The following AP4S1 variants were observed in gnomAD, a reference collection of about 807,000 sequenced individuals.
AP4S1 encodes the protein AP-4 complex subunit sigma-1.
In AP4S1, 23 loss-of-function variants were observed where a neutral mutation model predicts 19.8. The ratio of observed to expected loss-of-function variants is 1.16; its 90% CI spans 0.84 to 1.65. The LOEUF is 1.65. Ranked by LOEUF, AP4S1 falls within the 40% of genes most tolerant of loss-of-function variation. The pLI, the probability that AP4S1 is intolerant of heterozygous loss-of-function variation, is 0.00. For synonymous variants in AP4S1, 46 were observed against 54.1 expected, an observed-to-expected ratio of 0.85 and a Z score of 0.66; for missense variants, 166 against 172.8, an observed-to-expected ratio of 0.96 and a Z score of 0.22.
intron 1 of AP4S1, among the ~76,000 whole-genome samples, chr14:31,050,159 T>C (rs1245816606): frequency 1.3e-5 from 2 of 152,130 alleles, no homozygotes; most frequent in Non-Finnish European, 2.9e-5. Context: ...TGACCTCAGG[T>C]GATCCACCTG....
Position 31,052,934 on chromosome 14 carries a change from A to ATTT in AP4S1, c.-71-13171_-71-13169dup, listed in dbSNP as rs1209280743. ...GAAAGGAAAGAAGTCAGTGTGCTAA[A>ATTT]TTTTTTTTTTTTTTTTTTTTTTTGA... On this transcript the variant is annotated intron_variant, in intron 1 of 5. Transcript: ENST00000542754. 3.0e-3 allele frequency among the ~76,000 whole-genome samples: 300 copies of ATTT among 101,152 alleles called. 10 individuals carry two copies. The highest frequency in any genetic ancestry group is 7.0e-3 in the African/African-American group (183 of 26,044). The allele number at this position is 101,152 out of a possible 152,430, so 66.4% of individuals were successfully genotyped here. A position where few individuals can be genotyped will look rare whatever the true frequency, so the allele number is the denominator to read the frequency against.
intron 1 of AP4S1, among the ~76,000 whole-genome samples, chr14:31,054,952 A>G (rs1485940134): frequency 6.7e-6 from 1 of 148,464 alleles, no homozygotes; most frequent in Non-Finnish European, 1.5e-5. Context: ...TGCAAATGGC[A>G]CTTTACCTCT....
intron 1 of AP4S1, among the ~76,000 whole-genome samples, chr14:31,060,703 A>G (rs555511662): frequency 1.3e-5 from 2 of 152,268 alleles, no homozygotes; most frequent in African/African-American, 4.8e-5. Flanking sequence ...CCCACCCTCT[A>G]TTGTGGTGTT....
chr14:31,037,713 G>T (rs1452607640), intron 1 of AP4S1, among the ~76,000 whole-genome samples: 1 of 152,150 alleles, frequency 6.6e-6, no homozygotes, highest in Non-Finnish European at 1.5e-5. Context: ...ACTTTAGGAG[G>T]CCAAGGTGGG....
intron 5 of AP4S1, chr14:31,083,558 G>T (rs968230047): frequency 1.4e-5 from 6 of 432,804 alleles, no homozygotes; most frequent in African/African-American, 2.4e-5. Flanking sequence ...AGGCTGGAGT[G>T]CAGAGGTGCG....
chr14:31,050,436 C>G (rs575944462), intron 1 of AP4S1, among the ~76,000 whole-genome samples: 1 of 152,104 alleles, frequency 6.6e-6, no homozygotes, highest in Non-Finnish European at 1.5e-5. Context: ...TTATATCTCT[C>G]TGATCTCTGC....
Position 31,072,967 on chromosome 14 carries a change from C to A in AP4S1, c.288C>A (p.Ser96Arg). The stretch of plus-strand genomic sequence containing the variant: ...TGGAAGTTTTAGATGAGTATTTCAG[C>A]CGAGTGGTAAGTCTAATGGCTAAAA... ...NFVEVLDEYF[S>R]RVSELDIMFN... Residue 96 changes from serine (S) to arginine (R), a missense_variant, in exon 4 of 6, where the codon AGC (serine) becomes AGA (arginine). By Grantham distance (110) the Ser-to-Arg change is moderately radical. Transcript: ENST00000542754. 6.2e-7 allele frequency: 1 copy of A among 1,613,464 alleles called. No homozygotes were observed. The highest frequency in any genetic ancestry group is 1.1e-5 in the South Asian group (1 of 91,074).
intron 1 of AP4S1, among the ~76,000 whole-genome samples, chr14:31,041,316 A>G (rs989583162): frequency 1.3e-5 from 2 of 151,544 alleles, no homozygotes; most frequent in African/African-American, 4.8e-5. Flanking sequence ...CACCCAGCTA[A>G]TTTTTGTATT....
rs1888185338 is a variant in AP4S1, at chr14:31,095,757, GCTTA to G, written c.*2725_*2728del. ...TTTTAAAAGGTTTGCTTATTAATAA[GCTTA>G]CTGTTAATGAAATTTAGTTCAAAGT... is the stretch of plus-strand genomic sequence containing the variant. On this transcript the variant is annotated 3_prime_UTR_variant, in exon 6 of 6. Transcript: ENST00000542754. 6.6e-6 allele frequency: 1 copy of G among 152,124 alleles called. No homozygotes were observed. Among genetic ancestry groups the G allele is most frequent in the Non-Finnish European group, 1.5e-5 (1 of 68,014 alleles). The allele number at this position is 152,124 out of a possible 1,614,324, so 9.4% of individuals were successfully genotyped here.
chr14:31,051,526 C>T (rs901081978), intron 1 of AP4S1, among the ~76,000 whole-genome samples: 1 of 152,060 alleles, frequency 6.6e-6, no homozygotes, highest in Non-Finnish European at 1.5e-5. Context: ...CAAAAAAATA[C>T]AAAAATCTTT....
At chr14:31,026,016 A>G in intron 1 of AP4S1, 1 of 1,545,498 alleles carries the variant, frequency 6.5e-7, no homozygotes, top group Non-Finnish European at 8.7e-7. Context: ...CGGCCGGGAC[A>G]GCTCGGGGCC....
chr14:31,030,337 A>G (rs770977770), intron 1 of AP4S1, among the ~76,000 whole-genome samples: 20 of 152,242 alleles, frequency 1.3e-4, no homozygotes, highest in Middle Eastern at 6.8e-3. Flanking sequence ...TCCAAAAGCA[A>G]TACTTACACA....
intron 4 of AP4S1, chr14:31,073,286 G>T (rs28448715): frequency 0.013 from 3,905 of 306,336 alleles, 122 homozygotes; most frequent in African/African-American, 0.063. Context: ...GTCAGGAGAT[G>T]GAGACCATCC....
chr14:31,043,196 G>A (rs1458249269), intron 1 of AP4S1, among the ~76,000 whole-genome samples: 2 of 151,510 alleles, frequency 1.3e-5, no homozygotes, highest in Admixed American at 1.3e-4. Context: ...ACTCTAGCCT[G>A]GGTGACAGAG....
At position 31,026,129 on chromosome 14, in the gene AP4S1, C is replaced by T. The variant is rs1196736598; in HGVS notation, c.-72+342C>T. On this transcript the variant is annotated intron_variant, in intron 1 of 5. Transcript: ENST00000542754. ...GGTTCCCCCCAGGTCCCTGCTGCTGCCGGGGAGGGGCCGCCATCCCCGGGC... is the reference window on the plus strand; with the variant it reads ...GGTTCCCCCCAGGTCCCTGCTGCTGTCGGGGAGGGGCCGCCATCCCCGGGC... The T allele has an allele frequency of 4.0e-6, 6 of 1,499,566 alleles. No homozygotes were observed. The South Asian group carries it at 7.5e-5, about 19-fold the overall frequency. 92.9% of individuals were successfully genotyped at this position (1,499,566 alleles called of 1,614,324 possible). A position where few individuals can be genotyped will look rare whatever the true frequency, so the allele number is the denominator to read the frequency against.
At chr14:31,026,520 A>G (rs1186246957) in intron 1 of AP4S1, 1 of 265,948 alleles carries the variant, frequency 3.8e-6, no homozygotes, top group Non-Finnish European at 7.1e-6. Flanking sequence ...CTTAATCGCC[A>G]AATAGAGTCC....
intron 1 of AP4S1, among the ~76,000 whole-genome samples, chr14:31,038,994 T>G (rs1394302904): frequency 3.7e-4 from 5 of 13,584 alleles, no homozygotes; most frequent in Non-Finnish European, 1.3e-3. Context: ...ATGTAGAGGT[T>G]TTTTTTTTTT....
chr14:31,060,166 C>T (rs946182921), intron 1 of AP4S1, among the ~76,000 whole-genome samples: 1 of 151,556 alleles, frequency 6.6e-6, no homozygotes, highest in African/African-American at 2.4e-5. Flanking sequence ...ACAACACAGG[C>T]TTGAACTGCA....
chr14:31,051,007 C>A (rs1885758469), intron 1 of AP4S1, among the ~76,000 whole-genome samples: 1 of 152,070 alleles, frequency 6.6e-6, no homozygotes, highest in Middle Eastern at 3.4e-3. Context: ...TGTATTCCAG[C>A]ACTTCAGGAG....
Sources: allele counts gnomAD v4.1 joint callset (sites outside exome capture counted in the v4.1 genomes callset), GRCh38; gene constraint gnomAD v4.1.1; transcripts MANE v1.5; gene names NCBI Gene and HGNC (gene_info 2026-07-23, HGNC 2026-07-21).